The following PDE4B variants were observed in gnomAD, a reference collection of about 807,000 sequenced individuals.
PDE4B encodes the protein phosphodiesterase 4B.
A neutral mutation model predicts 82.2 loss-of-function variants in PDE4B; 20 were observed. The ratio of observed to expected loss-of-function variants is 0.24; its 90% CI spans 0.17 to 0.35. The LOEUF is 0.35. Among genes scored for constraint, PDE4B ranks in the 10% least tolerant of loss-of-function variants. The pLI is 1.00. For synonymous variants in PDE4B, 320 were observed against 318.9 expected (o/e 1.00, Z -0.04); for missense variants, 655 against 907.2 (o/e 0.72, Z 3.57).
chr1:66,117,740 C>G (rs937505477), intron 3 of PDE4B, among the ~76,000 whole-genome samples: 1 of 152,096 alleles, frequency 6.6e-6, no homozygotes, highest in Non-Finnish European at 1.5e-5. Context: ...TTTATCAGCC[C>G]ATCTGAGTTT....
intron 8 of PDE4B, among the ~76,000 whole-genome samples, chr1:66,346,032 A>G (rs1213598452): frequency 1.3e-5 from 2 of 152,204 alleles, no homozygotes; most frequent in South Asian, 4.1e-4. Flanking sequence ...TCCTGTGGAC[A>G]AGAATCTAAG....
intron 4 of PDE4B, among the ~76,000 whole-genome samples, chr1:66,255,072 CTCTT>C (rs1263702232): frequency 3.9e-5 from 5 of 129,160 alleles, no homozygotes; most frequent in African/African-American, 1.2e-4. Flanking sequence ...TTCTTTTTTT[CTCTT>C]TCTTTCTTTC....
chr1:65,968,860 C>A (rs1403626916), intron 3 of PDE4B, among the ~76,000 whole-genome samples: 1 of 151,996 alleles, frequency 6.6e-6, no homozygotes, highest in Non-Finnish European at 1.5e-5. Context: ...GTAATTATGA[C>A]CCAACCTATA....
intron 3 of PDE4B, among the ~76,000 whole-genome samples, chr1:66,048,586 C>A (rs1299184612): frequency 6.6e-6 from 1 of 151,882 alleles, no homozygotes; most frequent in Non-Finnish European, 1.5e-5. Context: ...AACTTGTGGG[C>A]ATTTTGTAAT....
At chr1:66,243,922 C>T (rs1653088164) in intron 3 of PDE4B, among the ~76,000 whole-genome samples, 1 of 152,178 alleles carries the variant, frequency 6.6e-6, no homozygotes, top group Non-Finnish European at 1.5e-5. Flanking sequence ...ACTTTCAATG[C>T]CGTGTATATA....
chr1:66,142,258 C>G (rs1646187954), intron 3 of PDE4B, among the ~76,000 whole-genome samples: 1 of 152,054 alleles, frequency 6.6e-6, no homozygotes, highest in Admixed American at 6.6e-5. Context: ...GACCTGTATG[C>G]TTTAAACCTG....
chr1:66,189,910 C>T (rs1647601973), intron 3 of PDE4B, among the ~76,000 whole-genome samples: 1 of 152,206 alleles, frequency 6.6e-6, no homozygotes, highest in African/African-American at 2.4e-5. Flanking sequence ...GAGAGGTGCT[C>T]TGCTTTTTAG....
intron 1 of PDE4B, among the ~76,000 whole-genome samples, chr1:65,801,330 A>C (rs893035459): frequency 2.0e-5 from 3 of 152,142 alleles, no homozygotes; most frequent in Non-Finnish European, 4.4e-5. Context: ...TAAACCCCTT[A>C]ATTGTTTCTT....
intron 3 of PDE4B, among the ~76,000 whole-genome samples, chr1:66,072,265 A>G (rs1219905339): frequency 6.6e-6 from 1 of 152,152 alleles, no homozygotes; most frequent in Non-Finnish European, 1.5e-5. Context: ...TCTAAGTAGA[A>G]TTAACCTTCC....
chr1:65,841,741 C>A (rs1258121465), intron 1 of PDE4B, among the ~76,000 whole-genome samples: 1 of 152,014 alleles, frequency 6.6e-6, no homozygotes, highest in Non-Finnish European at 1.5e-5. Flanking sequence ...GTTTATTTTA[C>A]TTCGAAAAAT....
intron 3 of PDE4B, among the ~76,000 whole-genome samples, chr1:66,080,275 A>G (rs1326191963): frequency 6.6e-6 from 1 of 152,142 alleles, no homozygotes; most frequent in East Asian, 1.9e-4. Flanking sequence ...ACCAAATTCC[A>G]CAAATCACCA....
At position 66,247,440 on chromosome 1, in the gene PDE4B, T is replaced by C; in HGVS notation, c.282-20T>C. The C allele has an allele frequency of 6.5e-7, 1 of 1,531,306 alleles. No individual in the cohort carries two copies. Among genetic ancestry groups the C allele is most frequent in the African/African-American group, 1.4e-5 (1 of 72,180 alleles). 94.9% of individuals were successfully genotyped at this position (1,531,306 alleles called of 1,614,324 possible). ...CTCCATGGTTATCATGTGACCAGAG[T>C]TTCCCACTTTCTCTTTAAGCTTTGA... On this transcript the variant is annotated intron_variant, in intron 3 of 16. Transcript: ENST00000341517.
At chr1:66,129,995 A>G (rs1645907283) in intron 3 of PDE4B, among the ~76,000 whole-genome samples, 1 of 152,266 alleles carries the variant, frequency 6.6e-6, no homozygotes, top group African/African-American at 2.4e-5. Flanking sequence ...TTTTTAAAAC[A>G]TTCTGTGAGA....
rs146773427 is a variant in PDE4B at position 65,955,884 on chromosome 1, T to C, written c.281+37049T>C. Reference sequence around the variant, plus strand: ...GAGGCCTAAGAGAGCGCCTGGAATATATTAGGAGCTGAAATATGGGATAAT... The same window carrying C: ...GAGGCCTAAGAGAGCGCCTGGAATACATTAGGAGCTGAAATATGGGATAAT... On this transcript the variant is annotated intron_variant, in intron 3 of 16. Coordinates refer to ENST00000341517, the MANE Select transcript of PDE4B (RefSeq NM_002600.4). Among the ~76,000 whole-genome samples, 352 of 152,262 alleles carry C rather than the reference T, an allele frequency of 2.3e-3. 2 individuals are homozygous for C. The highest frequency in any genetic ancestry group is 0.013 in the South Asian group (63 of 4,828).
At chr1:66,213,997 C>T (rs187517710) in intron 3 of PDE4B, among the ~76,000 whole-genome samples, 1 of 152,206 alleles carries the variant, frequency 6.6e-6, no homozygotes, top group African/African-American at 2.4e-5. Flanking sequence ...AACTTTTCTG[C>T]CAGCCATACA....
intron 4 of PDE4B, among the ~76,000 whole-genome samples, chr1:66,248,235 A>G (rs1653480007): frequency 6.6e-6 from 1 of 152,220 alleles, no homozygotes; most frequent in African/African-American, 2.4e-5. Context: ...TGCCGCTATT[A>G]ATTGTAAATC....
At chr1:66,208,313 C>A (rs191698651) in intron 3 of PDE4B, among the ~76,000 whole-genome samples, 1 of 152,294 alleles carries the variant, frequency 6.6e-6, no homozygotes, top group African/African-American at 2.4e-5. Flanking sequence ...CAGATAACAA[C>A]TGTTGAGTGC....
intron 1 of PDE4B, among the ~76,000 whole-genome samples, chr1:65,895,237 A>G (rs980071051): frequency 6.6e-6 from 1 of 152,138 alleles, no homozygotes; most frequent in African/African-American, 2.4e-5. Context: ...TACCATTTTT[A>G]CTTCAGGTAT....
At chr1:66,236,871 A>G (rs933683254) in intron 3 of PDE4B, among the ~76,000 whole-genome samples, 5 of 152,206 alleles carry the variant, frequency 3.3e-5, no homozygotes, top group Non-Finnish European at 5.9e-5. Flanking sequence ...TAAATCCACG[A>G]TGTACCATTT....
Sources: gnomAD v4.1 joint callset for allele counts (sites outside exome capture counted in the v4.1 genomes callset) on GRCh38, gnomAD v4.1.1 for gene constraint, MANE v1.5 for transcripts, NCBI Gene and HGNC (gene_info 2026-07-23, HGNC 2026-07-21) for gene names.